The following CDK14 variants were observed in gnomAD, a reference collection of about 807,000 sequenced individuals.
CDK14 encodes the protein cyclin dependent kinase 14.
A neutral mutation model predicts 60.7 loss-of-function variants in CDK14; 34 were observed. That is an observed-to-expected ratio of 0.56 (90% confidence interval 0.43 to 0.75). The LOEUF (loss-of-function observed/expected upper bound fraction) is 0.75. CDK14 is among the 30% of genes least tolerant of loss of function. CDK14 has a pLI of 0.00. For missense variants in CDK14, 482 were observed against 564.1 expected (o/e 0.85, Z 1.47); for synonymous variants, 197 against 203.7 (o/e 0.97, Z 0.28).
At chr7:91,060,419 A>G (rs1797742889) in intron 11 of CDK14, among the ~76,000 whole-genome samples, 1 of 152,036 alleles carries the variant, frequency 6.6e-6, no homozygotes, top group Admixed American at 6.6e-5. Flanking sequence ...TAATATTGTT[A>G]TGTGTGAATT....
chr7:90,849,347 A>T (rs1310322379), intron 5 of CDK14, among the ~76,000 whole-genome samples: 1 of 152,002 alleles, frequency 6.6e-6, no homozygotes, highest in Non-Finnish European at 1.5e-5. Flanking sequence ...TGCCATGCTT[A>T]TATAGCCTGT....
intron 11 of CDK14, among the ~76,000 whole-genome samples, chr7:91,065,174 A>G (rs947721904): frequency 3.9e-5 from 6 of 152,220 alleles, no homozygotes; most frequent in African/African-American, 7.2e-5. Context: ...AGCCAGGGCA[A>G]GTTCAGATGC....
chr7:91,201,702 GTA>G (rs1328657182), intron 14 of CDK14, among the ~76,000 whole-genome samples: 3 of 152,170 alleles, frequency 2.0e-5, no homozygotes, highest in African/African-American at 7.2e-5. Context: ...GTGTGTGTGT[GTA>G]TGTACACACA....
chr7:90,638,932 A>C (rs1301958099), intron 2 of CDK14, among the ~76,000 whole-genome samples: 1 of 151,914 alleles, frequency 6.6e-6, no homozygotes, highest in Non-Finnish European at 1.5e-5. Context: ...TCGGCTCCTG[A>C]GGCTTCTGCA....
At chr7:90,758,862 C>T (rs1804195433) in intron 4 of CDK14, among the ~76,000 whole-genome samples, 1 of 152,146 alleles carries the variant, frequency 6.6e-6, no homozygotes, top group African/African-American at 2.4e-5. Context: ...TCGAGACCAG[C>T]CTGGCCAACA....
At chr7:90,947,784 T>C (rs1296999054) in intron 8 of CDK14, among the ~76,000 whole-genome samples, 1 of 152,186 alleles carries the variant, frequency 6.6e-6, no homozygotes, top group Non-Finnish European at 1.5e-5. Flanking sequence ...CTCATACTAA[T>C]TTTTTCTTTT....
chr7:90,771,720 G>A (rs920288424), intron 4 of CDK14, among the ~76,000 whole-genome samples: 6 of 152,180 alleles, frequency 3.9e-5, no homozygotes, highest in African/African-American at 1.2e-4. Context: ...GAGCTGAAGT[G>A]AAGCCTTGGC....
chr7:90,734,462 T>C (rs1328562268), intron 3 of CDK14, among the ~76,000 whole-genome samples: 1 of 152,214 alleles, frequency 6.6e-6, no homozygotes, highest in Non-Finnish European at 1.5e-5. Context: ...AATATAGATT[T>C]TGTCTTTTCT....
At chr7:90,977,258 C>T (rs570906794) in intron 9 of CDK14, among the ~76,000 whole-genome samples, 19 of 152,202 alleles carry the variant, frequency 1.2e-4, no homozygotes, top group Non-Finnish European at 2.5e-4. Context: ...GTTCCATTTG[C>T]CTGCTGCACA....
chr7:90,622,909 CTTTCTTTTTT>C lies in CDK14; in HGVS notation c.123+18674_123+18683del, dbSNP rs546320832. 5.6e-3 allele frequency among the ~76,000 whole-genome samples: 798 copies of C among 143,174 alleles called. 7 individuals carry two copies. The highest frequency in any genetic ancestry group is 0.018 in the African/African-American group (694 of 39,286). 93.9% of individuals were successfully genotyped at this position (143,174 alleles called of 152,430 possible). A position where few individuals can be genotyped will look rare whatever the true frequency, so the allele number is the denominator to read the frequency against. ...TATTGTCTGAGACTGCATGTGTTTT[CTTTCTTTTTT>C]TTTCTTTTTTTTTTTTTTTAGCACT... On this transcript the variant is annotated intron_variant, in intron 2 of 14. Transcript: ENST00000380050.
At chr7:90,668,259 C>T (rs1190867343) in intron 2 of CDK14, among the ~76,000 whole-genome samples, 2 of 152,210 alleles carry the variant, frequency 1.3e-5, no homozygotes, top group African/African-American at 2.4e-5. Context: ...TGTTTCCCTA[C>T]TGACTAATGA....
At chr7:90,996,409 G>C (rs1440918135) in intron 10 of CDK14, among the ~76,000 whole-genome samples, 1 of 152,078 alleles carries the variant, frequency 6.6e-6, no homozygotes, top group East Asian at 1.9e-4. Flanking sequence ...CAAGAAAAAA[G>C]CCTCCTCAAA....
At chr7:90,626,641 G>A (rs181318033) in intron 2 of CDK14, among the ~76,000 whole-genome samples, 53 of 152,224 alleles carry the variant, frequency 3.5e-4, no homozygotes, top group Middle Eastern at 3.4e-3. Context: ...TTGTAGTTAC[G>A]TTAAAAACGT....
At chr7:90,884,883 T>A (rs913478346) in intron 6 of CDK14, among the ~76,000 whole-genome samples, 7 of 152,190 alleles carry the variant, frequency 4.6e-5, no homozygotes, top group African/African-American at 1.7e-4. Context: ...GCTAGCCATA[T>A]GTGGAAAACT....
At chr7:90,657,731 A>G (rs545617507) in intron 2 of CDK14, among the ~76,000 whole-genome samples, 2 of 152,350 alleles carry the variant, frequency 1.3e-5, no homozygotes, top group African/African-American at 4.8e-5. Flanking sequence ...CTTAAACTTT[A>G]TCTTAATGAC....
chr7:90,988,669 A>T (rs1333929898), intron 10 of CDK14, among the ~76,000 whole-genome samples: 2 of 152,112 alleles, frequency 1.3e-5, no homozygotes, highest in African/African-American at 4.8e-5. Context: ...TCACTTCAAA[A>T]CAGCTGAACA....
chr7:91,134,551 TA>T (rs1800213198), intron 14 of CDK14, among the ~76,000 whole-genome samples: 1 of 152,132 alleles, frequency 6.6e-6, no homozygotes, highest in Non-Finnish European at 1.5e-5. Flanking sequence ...AGAGTGCAAA[TA>T]AATTTTGAGA....
At chr7:91,183,480 T>G (rs1370293157) in intron 14 of CDK14, among the ~76,000 whole-genome samples, 1 of 152,228 alleles carries the variant, frequency 6.6e-6, no homozygotes. Context: ...GTCTTTGCTT[T>G]TAACAGTCTC....
chr7:90,635,258 T>C (rs1800112432), intron 2 of CDK14, among the ~76,000 whole-genome samples: 1 of 152,260 alleles, frequency 6.6e-6, no homozygotes, highest in Non-Finnish European at 1.5e-5. Context: ...AGGGTTTTTA[T>C]GGTTTGAGGT....
Sources: gnomAD v4.1 joint callset for allele counts (sites outside exome capture counted in the v4.1 genomes callset) on GRCh38, gnomAD v4.1.1 for gene constraint, MANE v1.5 for transcripts, NCBI Gene and HGNC (gene_info 2026-07-23, HGNC 2026-07-21) for gene names.